Variants in HECTD4 observed in about 807,000 individuals in gnomAD.
The protein encoded by HECTD4 is HECT domain E3 ubiquitin protein ligase 4.
A neutral mutation model predicts 471.5 loss-of-function variants in HECTD4; 114 were observed. That is an observed-to-expected ratio of 0.24 (90% confidence interval 0.21 to 0.28). The LOEUF (loss-of-function observed/expected upper bound fraction) is 0.28, where lower values mean the gene tolerates loss of function less well. Among genes scored for constraint, HECTD4 ranks in the 10% least tolerant of loss-of-function variants. HECTD4 has a pLI of 1.00. For missense variants in HECTD4, 3,866 were observed against 5,651.5 expected (o/e 0.68, Z 10.13); for synonymous variants, 2,012 against 2,256.0 (o/e 0.89, Z 3.07).
At chr12:112,295,646 T>C (rs1017194887) in intron 7 of HECTD4, among the ~76,000 whole-genome samples, 2 of 146,432 alleles carry the variant, frequency 1.4e-5, no homozygotes, top group African/African-American at 5.1e-5. Flanking sequence ...GGCCCTTTTT[T>C]TCTTTTTTTG....
chr12:112,231,596 C>T lies in HECTD4; in HGVS notation c.6117G>A (p.Glu2039=). The part of the protein sequence containing the change: ...IGPPVESINP[E]TVSGLSTGDK... ...CGCCTGTGGATAGTCCACTCACAGTCTCTGGGTTGATAGACTCTACAGGTG... is the reference window on the plus strand; with the variant it reads ...CGCCTGTGGATAGTCCACTCACAGTTTCTGGGTTGATAGACTCTACAGGTG... The change falls in exon 39 of 76, where the codon GAG becomes GAA. Residue 2039 remains glutamate (E), a synonymous_variant. Transcript: ENST00000682272. 6.2e-7 allele frequency: 1 copy of T among 1,614,012 alleles called. No homozygotes were observed. Among genetic ancestry groups the T allele is most frequent in the Non-Finnish European group, 8.5e-7 (1 of 1,179,898 alleles).
chr12:112,239,681 T>C lies in HECTD4; in HGVS notation c.5105+200A>G, dbSNP rs2033592919. The stretch of plus-strand genomic sequence containing the variant: ...TCTTCACAATGTAATATAACCCTAA[T>C]GGCTGCATTTAGTCATGTTGGAACT... On this transcript the variant is annotated intron_variant, in intron 33 of 75. Coordinates refer to ENST00000682272, the MANE Select transcript of HECTD4 (RefSeq NM_001388303.1). The surrounding 1 kb of genome is among the most constrained non-coding windows in gnomAD (Gnocchi z 4.9). Among the ~76,000 whole-genome samples the C allele has an allele frequency of 6.6e-6, 1 of 152,210 alleles. No individual in the cohort carries two copies. Among genetic ancestry groups the C allele is most frequent in the African/African-American group, 2.4e-5 (1 of 41,442 alleles).
intron 2 of HECTD4, among the ~76,000 whole-genome samples, chr12:112,316,302 G>A (rs1431849426): frequency 6.6e-6 from 1 of 152,066 alleles, no homozygotes; most frequent in Non-Finnish European, 1.5e-5. Flanking sequence ...TCTTCAGTAA[G>A]GCCTTCCCTG....
Position 112,235,136 on chromosome 12 carries a change from C to G in HECTD4, c.5856G>C (p.Ser1952=). 6.2e-7 allele frequency: 1 copy of G among 1,610,246 alleles called. No individual in the cohort carries two copies. The highest frequency in any genetic ancestry group is 2.2e-5 in the East Asian group (1 of 44,828). The change falls in exon 37 of 76, where the codon TCG becomes TCC. Residue 1952 remains serine, a synonymous_variant. Transcript: ENST00000682272. The surrounding 1 kb of genome is among the most constrained non-coding windows in gnomAD (Gnocchi z 5.0). The part of the protein sequence containing the change: ...EESEAVDGKL[S]IFIHKREDQS... ...GGTCTTCCCGCTTGTGGATAAATAT[C>G]GAGAGCTTGCCATCCACAGCCTCAC...
chr12:112,318,026 G>A (rs2035516854), intron 2 of HECTD4, among the ~76,000 whole-genome samples: 1 of 149,140 alleles, frequency 6.7e-6, no homozygotes, highest in Non-Finnish European at 1.5e-5. Context: ...CTGTATTCCA[G>A]TACTCTTGGA....
At chr12:112,323,819 A>C (rs903567015) in intron 1 of HECTD4, among the ~76,000 whole-genome samples, 1 of 151,902 alleles carries the variant, frequency 6.6e-6, no homozygotes, top group Non-Finnish European at 1.5e-5. Context: ...GTATAACTTT[A>C]AAGATTAAAT....
At chr12:112,165,188 G>T (rs2030889166) in intron 72 of HECTD4, among the ~76,000 whole-genome samples, 1 of 151,202 alleles carries the variant, frequency 6.6e-6, no homozygotes, top group Non-Finnish European at 1.5e-5. Context: ...CAAAGTGCTG[G>T]GATTACAGCT....
chr12:112,195,865 T>C (rs1346377606), intron 55 of HECTD4, among the ~76,000 whole-genome samples: 4 of 152,230 alleles, frequency 2.6e-5, no homozygotes, highest in Admixed American at 2.0e-4. Flanking sequence ...CATTAGTGCC[T>C]AAGCACGTCT....
At chr12:112,334,712 A>G (rs1235246091) in intron 1 of HECTD4, among the ~76,000 whole-genome samples, 1 of 148,740 alleles carries the variant, frequency 6.7e-6, no homozygotes, top group African/African-American at 2.5e-5. Context: ...CGAGAGGCTG[A>G]GGCAGGAGAA....
Position 112,235,385 on chromosome 12 carries a change from C to T in HECTD4, c.5725+119G>A, listed in dbSNP as rs1305963512. 8.8e-6 allele frequency: 13 copies of T among 1,482,698 alleles called. No individual in the cohort carries two copies. Among genetic ancestry groups the T allele is most frequent in the South Asian group, 4.0e-5 (3 of 74,370 alleles). The allele number at this position is 1,482,698 out of a possible 1,614,324, so 91.8% of individuals were successfully genotyped here. A position where few individuals can be genotyped will look rare whatever the true frequency, so the allele number is the denominator to read the frequency against. ...TTTCTTCCCCCTTCTCTATTCCTGT[C>T]CCCGCTCCCTTCTCTGTCACTCACT... On this transcript the variant is annotated intron_variant, in intron 36 of 75. Transcript: ENST00000682272. The surrounding 1 kb of genome is among the most constrained non-coding windows in gnomAD (Gnocchi z 5.0).
At chr12:112,202,033 T>C (rs1202405469) in intron 54 of HECTD4, among the ~76,000 whole-genome samples, 1 of 152,220 alleles carries the variant, frequency 6.6e-6, no homozygotes, top group African/African-American at 2.4e-5. Context: ...ATCATCCTAA[T>C]GTATTTTCTT....
At chr12:112,359,756 C>T (rs1228207599) in intron 1 of HECTD4, among the ~76,000 whole-genome samples, 2 of 151,852 alleles carry the variant, frequency 1.3e-5, no homozygotes, top group Admixed American at 6.6e-5. Context: ...TCTCTGTCGT[C>T]AGGCTGAGTG....
At chr12:112,288,008 G>T (rs1469044140) in intron 7 of HECTD4, among the ~76,000 whole-genome samples, 2 of 150,470 alleles carry the variant, frequency 1.3e-5, no homozygotes, top group African/African-American at 2.5e-5. Context: ...CTGGTCAGAT[G>T]ACTTTTTTTT....
intron 7 of HECTD4, among the ~76,000 whole-genome samples, chr12:112,297,138 G>T (rs1174446316): frequency 6.6e-6 from 1 of 151,042 alleles, no homozygotes; most frequent in Non-Finnish European, 1.5e-5. Flanking sequence ...GAGGGTGTAG[G>T]TACAGTGGAT....
In HECTD4 at chr12:112,289,148, G is replaced by A. The variant is rs150431536; in HGVS notation, c.1336-5846C>T. Among the ~76,000 whole-genome samples the A allele has an allele frequency of 1.5e-3, 222 of 152,014 alleles. 1 individual carries two copies. The highest frequency in any genetic ancestry group is 5.2e-3 in the African/African-American group (215 of 41,434). ...AGGGTCTTGGTGTATCACCCAAGCT[G>A]GAGTGCAGTGGCACGATCATGGCTC... On this transcript the variant is annotated intron_variant, in intron 7 of 75. Coordinates refer to ENST00000682272, the MANE Select transcript of HECTD4 (RefSeq NM_001388303.1).
chr12:112,172,146 G>A (rs74497010), intron 67 of HECTD4, among the ~76,000 whole-genome samples: 2 of 152,104 alleles, frequency 1.3e-5, no homozygotes, highest in Non-Finnish European at 2.9e-5. Flanking sequence ...CAAGTGATCC[G>A]CCCGCCTTGG....
At chr12:112,260,099 C>T (rs1185350437) in intron 18 of HECTD4, among the ~76,000 whole-genome samples, 1 of 152,090 alleles carries the variant, frequency 6.6e-6, no homozygotes, top group Admixed American at 6.5e-5. Context: ...AAACTCTATG[C>T]GCATTAAACA....
At chr12:112,240,063 C>T in intron 32 of HECTD4, 36 bp from the exon 33 acceptor site, 5 of 1,609,992 alleles carry the variant, frequency 3.1e-6, no homozygotes, top group South Asian at 1.1e-5. Flanking sequence ...GCTTCCTGAA[C>T]CATGTCAAGA....
chr12:112,170,504 C>T, intron 68 of HECTD4, 52 bp from the exon 69 acceptor site: 1 of 1,593,130 alleles, frequency 6.3e-7, no homozygotes, highest in South Asian at 1.1e-5. Flanking sequence ...CCCTTCCTTC[C>T]CAGTCCCCCC....
Sources: allele counts gnomAD v4.1 joint callset (sites outside exome capture counted in the v4.1 genomes callset), GRCh38; gene constraint gnomAD v4.1.1; non-coding constraint Gnocchi (gnomAD v3.1); transcripts MANE v1.5; gene names NCBI Gene and HGNC (gene_info 2026-07-23, HGNC 2026-07-21).